The following ATP2B4 variants were observed in gnomAD, a reference collection of about 807,000 sequenced individuals.
ATP2B4 encodes ATPase plasma membrane Ca2+ transporting 4.
A neutral mutation model predicts 110.3 loss-of-function variants in ATP2B4; 39 were observed. The ratio of observed to expected loss-of-function variants is 0.35; its 90% CI spans 0.27 to 0.46. ATP2B4 has a LOEUF of 0.46. ATP2B4 is among the 20% of genes least tolerant of loss of function. ATP2B4 has a pLI of 1.00. For synonymous variants in ATP2B4, 538 were observed against 571.7 expected, an observed-to-expected ratio of 0.94 and a Z score of 0.84; for missense variants, 1,135 against 1,530.9, an observed-to-expected ratio of 0.74 and a Z score of 4.32.
intron 1 of ATP2B4, chr1:203,657,407 C>T (rs1664194781): frequency 1.3e-6 from 1 of 755,178 alleles, no homozygotes; most frequent in Non-Finnish European, 2.4e-6. Flanking sequence ...GTTTTCCCAC[C>T]TTCTCTTTTC....
rs1491089250 is a variant in ATP2B4 at position 203,721,672 on chromosome 1, TTC to T, written c.2812+264_2812+265del. Among the ~76,000 whole-genome samples the T allele has an allele frequency of 6.2e-4, 85 of 137,528 alleles. 2 individuals carry two copies. The highest frequency in any genetic ancestry group is 4.7e-3 in the South Asian group (18 of 3,800). 90.2% of individuals were successfully genotyped at this position (137,528 alleles called of 152,430 possible). A position where few individuals can be genotyped will look rare whatever the true frequency, so the allele number is the denominator to read the frequency against. On this transcript the variant is annotated intron_variant, in intron 17 of 20. Transcript: ENST00000357681. Reference sequence around the variant, plus strand: ...TTTCTTTCTTTTTTTTTTTTTTTTTTTCTTTTTGGAGACAGAGTCTCGCTCTG... The same window carrying T: ...TTTCTTTCTTTTTTTTTTTTTTTTTTTTTTTGGAGACAGAGTCTCGCTCTG...
intron 1 of ATP2B4, among the ~76,000 whole-genome samples, chr1:203,673,843 A>G (rs951448922): frequency 2.6e-5 from 4 of 152,130 alleles, no homozygotes; most frequent in Non-Finnish European, 4.4e-5. Flanking sequence ...ACTCCACCAG[A>G]TCCTGAGGCC....
intron 1 of ATP2B4, among the ~76,000 whole-genome samples, chr1:203,662,891 C>T (rs952520346): frequency 6.6e-6 from 1 of 152,168 alleles, no homozygotes; most frequent in African/African-American, 2.4e-5. Context: ...TTTACTCTTC[C>T]AGAGGTCTCT....
intron 2 of ATP2B4, among the ~76,000 whole-genome samples, chr1:203,692,388 CG>C (rs1665406941): frequency 6.6e-6 from 1 of 152,044 alleles, no homozygotes; most frequent in East Asian, 1.9e-4. Context: ...CGTATTGCCC[CG>C]GCTGGTCTCG....
intron 20 of ATP2B4, chr1:203,733,483 T>A: frequency 7.5e-7 from 1 of 1,341,690 alleles, no homozygotes; most frequent in South Asian, 1.6e-5. Flanking sequence ...CAACCATGGT[T>A]ATCTTTTCCT....
intron 7 of ATP2B4, 29 bp downstream of exon 7, chr1:203,702,108 C>T (rs1558041105): frequency 6.2e-7 from 1 of 1,613,248 alleles, no homozygotes; most frequent in South Asian, 1.1e-5. Flanking sequence ...CATTTACCAT[C>T]TCTACCTGCC....
chr1:203,719,982 G>T (rs781080479), intron 15 of ATP2B4, among the ~76,000 whole-genome samples: 3 of 152,070 alleles, frequency 2.0e-5, no homozygotes, highest in Non-Finnish European at 4.4e-5. Context: ...CAAGGTGGGA[G>T]GATCATTGGA....
chr1:203,708,018 C>G lies in ATP2B4; in HGVS notation c.1471C>G (p.Pro491Ala). 1 of 1,614,156 alleles carries G rather than the reference C, an allele frequency of 6.2e-7. No individual in the cohort carries two copies. Among genetic ancestry groups the G allele is most frequent in the Non-Finnish European group, 8.5e-7 (1 of 1,180,042 alleles). Reference protein sequence around the residue: ...YIGGIHYRQIPSPDVFLPKVL... With the variant: ...YIGGIHYRQIASPDVFLPKVL... ...TGGGGGCATCCATTACCGTCAAATC[C>G]CAAGCCCTGATGTCTTCCTGCCCAA... Residue 491 changes from proline (P) to alanine (A), a missense_variant, in exon 10 of 21, where the codon CCA becomes GCA. Physicochemically the swap from Pro to Ala is conservative, Grantham distance 27. Around this residue, in one of 9 missense-constraint regions of ATP2B4, gnomAD observed 368 missense variants for 455.9 expected, o/e 0.81. Transcript: ENST00000357681.
rs1214526316 is a variant in ATP2B4, at chr1:203,724,865, C to CTCTTTTTTTTTTTTTTTTTTTTTTTTT, written c.3132+878_3132+879insCTTTTTTTTTTTTTTTTTTTTTTTTTT. On this transcript the variant is annotated intron_variant, in intron 19 of 20. Transcript: ENST00000357681. ...ACTGCCTGGGTTTGAATCCAGCTCTCTGTTTTTTTTTTTTTTTTTTTTTTT... is the reference window on the plus strand; with the variant it reads ...ACTGCCTGGGTTTGAATCCAGCTCTCTCTTTTTTTTTTTTTTTTTTTTTTTTTTGTTTTTTTTTTTTTTTTTTTTTTT... Among the ~76,000 whole-genome samples the CTCTTTTTTTTTTTTTTTTTTTTTTTTT allele has an allele frequency of 3.0e-5, 3 of 101,454 alleles. 1 individual carries two copies. The highest frequency in any genetic ancestry group is 3.7e-5 in the Non-Finnish European group (2 of 53,392). 66.6% of individuals were successfully genotyped at this position (101,454 alleles called of 152,430 possible). A position where few individuals can be genotyped will look rare whatever the true frequency, so the allele number is the denominator to read the frequency against.
At chr1:203,662,138 C>T (rs1182705310) in intron 1 of ATP2B4, among the ~76,000 whole-genome samples, 1 of 152,096 alleles carries the variant, frequency 6.6e-6, no homozygotes, top group Non-Finnish European at 1.5e-5. Flanking sequence ...ATTCTCCTGC[C>T]TCAGCCTCCC....
chr1:203,682,684 G>T, intron 1 of ATP2B4, 58 bp from the exon 2 acceptor site: 1 of 152,894 alleles, frequency 6.5e-6, no homozygotes, highest in Non-Finnish European at 1.5e-5. Context: ...TGCAGATGCT[G>T]GATACTTATG....
At chr1:203,683,790 C>T (rs536240661) in intron 2 of ATP2B4, among the ~76,000 whole-genome samples, 37 of 149,812 alleles carry the variant, frequency 2.5e-4, no homozygotes, top group African/African-American at 8.1e-4. Flanking sequence ...CTTCCTACCT[C>T]AGTCTGCTGG....
chr1:203,714,426 A>G (rs1666102108), intron 15 of ATP2B4, 149 bp downstream of exon 15: 1 of 715,476 alleles, frequency 1.4e-6, no homozygotes, highest in Admixed American at 2.2e-5. Flanking sequence ...TACCGGGCCA[A>G]TCATGATATA....
At chr1:203,739,512 T>A (rs757620736) in intron 20 of ATP2B4, 34 bp from the exon 21 acceptor site, 2 of 1,585,898 alleles carry the variant, frequency 1.3e-6, no homozygotes, top group East Asian at 4.5e-5. Flanking sequence ...CACCTCTCTA[T>A]TTTCTCATCC....
Position 203,743,897 on chromosome 1 carries a change from G to A in ATP2B4, c.*4043G>A, listed in dbSNP as rs994444621. On this transcript the variant is annotated 3_prime_UTR_variant, in exon 21 of 21. Transcript: ENST00000357681. ...TACAAGGTTTTGCATGTATTTATAT[G>A]GTTCTTAGGGAAAAAAAATGCTATA... The A allele has an allele frequency of 6.6e-6, 1 of 152,410 alleles. No homozygotes were observed. Among genetic ancestry groups the A allele is most frequent in the African/African-American group, 2.4e-5 (1 of 41,398 alleles). The allele number at this position is 152,410 out of a possible 1,614,324, so 9.4% of individuals were successfully genotyped here. A position where few individuals can be genotyped will look rare whatever the true frequency, so the allele number is the denominator to read the frequency against.
chr1:203,663,097 T>A (rs1394254524), intron 1 of ATP2B4, among the ~76,000 whole-genome samples: 1 of 152,172 alleles, frequency 6.6e-6, no homozygotes, highest in African/African-American at 2.4e-5. Context: ...CAACATTTTG[T>A]TTCCTGTTTA....
intron 1 of ATP2B4, among the ~76,000 whole-genome samples, chr1:203,666,747 A>T (rs199625490): frequency 1.3e-5 from 2 of 152,138 alleles, no homozygotes; most frequent in Admixed American, 1.3e-4. Context: ...TCCTTTTGCC[A>T]TATCCCCCTC....
chr1:203,678,692 C>T (rs532350339), intron 1 of ATP2B4, among the ~76,000 whole-genome samples: 18 of 152,320 alleles, frequency 1.2e-4, no homozygotes, highest in African/African-American at 3.8e-4. Flanking sequence ...GCAGGAGCCA[C>T]GGCACCTGGC....
At chr1:203,632,067 C>T (rs1663285309) in intron 1 of ATP2B4, among the ~76,000 whole-genome samples, 1 of 151,936 alleles carries the variant, frequency 6.6e-6, no homozygotes, top group Admixed American at 6.6e-5. Flanking sequence ...TAGGTGTGAG[C>T]CACCAAGCCC....
Sources: gnomAD v4.1 joint callset for allele counts (sites outside exome capture counted in the v4.1 genomes callset) on GRCh38, gnomAD v4.1.1 for gene constraint, gnomAD v4.1.1 regional missense constraint, MANE v1.5 for transcripts, NCBI Gene and HGNC (gene_info 2026-07-23, HGNC 2026-07-21) for gene names.